The following DRC11 variants were observed in gnomAD, a reference collection of about 807,000 sequenced individuals.
DRC11 encodes the protein dynein regulatory complex subunit 11.
the DRC11 span, among the ~76,000 whole-genome samples, chr2:236,404,779 C>T: frequency 9.2e-5 from 14 of 152,106 alleles, no homozygotes; most frequent in Admixed American, 9.2e-4. Context: ...ATGACTTGAC[C>T]GGCTCAGGCT....
chr2:236,501,037 C>T, the DRC11 span, among the ~76,000 whole-genome samples: 1 of 152,138 alleles, frequency 6.6e-6, no homozygotes, highest in African/African-American at 2.4e-5. Flanking sequence ...TTAATTGGCT[C>T]ACGGTTCCAC....
chr2:236,418,665 T>G, the DRC11 span, among the ~76,000 whole-genome samples: 1 of 152,252 alleles, frequency 6.6e-6, no homozygotes, highest in Non-Finnish European at 1.5e-5. Flanking sequence ...TGTGACACTG[T>G]GTGAACTCTG....
the DRC11 span, among the ~76,000 whole-genome samples, chr2:236,416,283 C>T: frequency 2.6e-5 from 4 of 152,166 alleles, no homozygotes; most frequent in African/African-American, 9.6e-5. Flanking sequence ...GGTACTATCA[C>T]GTGACTGTCC....
chr2:236,399,362 T>C, the DRC11 span: 1 of 1,401,132 alleles, frequency 7.1e-7, no homozygotes, highest in Non-Finnish European at 1.0e-6. The surrounding 1 kb of genome is among the most constrained non-coding windows in gnomAD (Gnocchi z 7.0). Context: ...GTGATGGGGT[T>C]CCCAGCACGT....
At chr2:236,498,309 A>AG in the DRC11 span, among the ~76,000 whole-genome samples, 1 of 151,954 alleles carries the variant, frequency 6.6e-6, no homozygotes, top group Non-Finnish European at 1.5e-5. Flanking sequence ...ACAAAAAAAA[A>AG]AAAAAATTAG....
At chr2:236,355,746 T>C in the DRC11 span, among the ~76,000 whole-genome samples, 1 of 108,582 alleles carries the variant, frequency 9.2e-6, no homozygotes, top group African/African-American at 3.1e-5. Flanking sequence ...TCTCTCTCTC[T>C]CTCTGTGTGT....
the DRC11 span, chr2:236,408,566 G>T: frequency 1.4e-6 from 1 of 726,132 alleles, no homozygotes. The surrounding 1 kb of genome is among the most constrained non-coding windows in gnomAD (Gnocchi z 5.5). Flanking sequence ...GGAGGAAGCA[G>T]GTATATGTGG....
At chr2:236,491,219 G>GTATA in the DRC11 span, among the ~76,000 whole-genome samples, 536 of 19,402 alleles carry the variant, frequency 0.028, 31 homozygotes, top group African/African-American at 0.091. Flanking sequence ...TATACACACA[G>GTATA]TATATATATA....
chr2:236,402,416 T>C, the DRC11 span, among the ~76,000 whole-genome samples: 1 of 152,236 alleles, frequency 6.6e-6, no homozygotes, highest in Non-Finnish European at 1.5e-5. This position sits in a 1 kb window ranked among gnomAD's most constrained non-coding sequence, Gnocchi z 6.0. Flanking sequence ...CATTTTGCTT[T>C]GAGTCCACTG....
the DRC11 span, among the ~76,000 whole-genome samples, chr2:236,374,682 T>C: frequency 6.6e-6 from 1 of 151,810 alleles, no homozygotes; most frequent in East Asian, 1.9e-4. Context: ...ATTTTTATGT[T>C]TTTATTTGTA....
the DRC11 span, among the ~76,000 whole-genome samples, chr2:236,360,414 T>C: frequency 6.6e-6 from 1 of 152,228 alleles, no homozygotes; most frequent in African/African-American, 2.4e-5. The surrounding 1 kb of genome is among the most constrained non-coding windows in gnomAD (Gnocchi z 5.8). Flanking sequence ...GATATATAGA[T>C]GCTTACGAAA....
chr2:236,474,551 T>G, the DRC11 span, among the ~76,000 whole-genome samples: 1 of 152,188 alleles, frequency 6.6e-6, no homozygotes, highest in African/African-American at 2.4e-5. Flanking sequence ...TCCCAACTGA[T>G]TCTAAAGTAA....
the DRC11 span, among the ~76,000 whole-genome samples, chr2:236,373,976 C>T: frequency 4.6e-5 from 7 of 152,240 alleles, no homozygotes; most frequent in South Asian, 2.1e-4. Flanking sequence ...GGTGGGTCAC[C>T]GCCCCAGCTC....
At chr2:236,485,633 T>C in the DRC11 span, among the ~76,000 whole-genome samples, 1 of 152,218 alleles carries the variant, frequency 6.6e-6, no homozygotes, top group South Asian at 2.1e-4. Context: ...TGCAAAGAAT[T>C]GGCTTCAGGG....
the DRC11 span, among the ~76,000 whole-genome samples, chr2:236,453,830 G>A: frequency 5.3e-5 from 8 of 151,930 alleles, no homozygotes; most frequent in East Asian, 1.9e-4. This position sits in a 1 kb window ranked among gnomAD's most constrained non-coding sequence, Gnocchi z 4.9. Context: ...TAGTAGAGAC[G>A]GGGGTTTCAT....
the DRC11 span, chr2:236,343,766 A>T: frequency 7.7e-7 from 1 of 1,302,962 alleles, no homozygotes; most frequent in Non-Finnish European, 1.0e-6. The surrounding 1 kb of genome is among the most constrained non-coding windows in gnomAD (Gnocchi z 6.6). Flanking sequence ...GGAGTGAACT[A>T]CAAGAGTCCC....
the DRC11 span, among the ~76,000 whole-genome samples, chr2:236,490,529 A>T: frequency 6.6e-6 from 1 of 152,242 alleles, no homozygotes; most frequent in Non-Finnish European, 1.5e-5. This position sits in a 1 kb window ranked among gnomAD's most constrained non-coding sequence, Gnocchi z 5.5. Context: ...AACGAGTATC[A>T]TTCTGGCATT....
At chr2:236,308,302 G>T in the DRC11 span, among the ~76,000 whole-genome samples, 2 of 152,382 alleles carry the variant, frequency 1.3e-5, no homozygotes, top group South Asian at 4.1e-4. This position sits in a 1 kb window ranked among gnomAD's most constrained non-coding sequence, Gnocchi z 6.0. Context: ...TCTGCTGGGG[G>T]TGTCCATCAT....
chr2:236,340,551 CTG>C, the DRC11 span, among the ~76,000 whole-genome samples: 1 of 152,076 alleles, frequency 6.6e-6, no homozygotes, highest in African/African-American at 2.4e-5. Context: ...GTGGGAGTGA[CTG>C]GGCATTTGGG....
Sources: gnomAD v4.1 joint callset for allele counts (sites outside exome capture counted in the v4.1 genomes callset) on GRCh38, gnomAD v4.1.1 for gene constraint, Gnocchi (gnomAD v3.1) non-coding constraint, MANE v1.5 for transcripts, NCBI Gene and HGNC (gene_info 2026-07-23, HGNC 2026-07-21) for gene names.